The following STIM2 variants were observed in gnomAD, a reference collection of about 807,000 sequenced individuals.
STIM2 encodes stromal interaction molecule 2.
In STIM2, 31 loss-of-function variants were observed where a neutral mutation model predicts 85.8. The observed-to-expected ratio is 0.36, with a 90% CI of 0.27 to 0.49. The LOEUF (loss-of-function observed/expected upper bound fraction) is 0.49. STIM2 is among the 20% of genes least tolerant of loss of function. The pLI is 0.98. For synonymous variants in STIM2, 356 were observed against 331.1 expected (o/e 1.08, Z -0.82); for missense variants, 841 against 927.6 (o/e 0.91, Z 1.21).
intron 2 of STIM2, among the ~76,000 whole-genome samples, chr4:26,932,461 C>G (rs1199549862): frequency 6.6e-6 from 1 of 152,090 alleles, no homozygotes; most frequent in African/African-American, 2.4e-5. Flanking sequence ...AGTACTGACA[C>G]TAAACTTACT....
At chr4:26,956,654 G>A (rs1449363711) in intron 2 of STIM2, among the ~76,000 whole-genome samples, 1 of 151,942 alleles carries the variant, frequency 6.6e-6, no homozygotes, top group Non-Finnish European at 1.5e-5. Flanking sequence ...ATAATCAAAT[G>A]TCTTTGAATT....
intron 1 of STIM2, among the ~76,000 whole-genome samples, chr4:26,878,438 C>G (rs985842195): frequency 6.6e-6 from 1 of 152,062 alleles, no homozygotes; most frequent in African/African-American, 2.4e-5. Context: ...TCTCTGTGTC[C>G]TTGAAGCATA....
At chr4:26,956,955 C>T (rs964118916) in intron 2 of STIM2, among the ~76,000 whole-genome samples, 3 of 152,004 alleles carry the variant, frequency 2.0e-5, no homozygotes, top group Non-Finnish European at 4.4e-5. Context: ...ATAGGACTGT[C>T]GTAAAGGTAA....
intron 1 of STIM2, chr4:26,861,697 T>A: frequency 1.1e-5 from 1 of 94,260 alleles, no homozygotes; most frequent in Non-Finnish European, 2.0e-5. Context: ...CTGGGCTGAT[T>A]TTTTTTTTTT....
chr4:26,934,916 A>C lies in STIM2; in HGVS notation c.282+15282A>C, dbSNP rs1457167386. ...CAATAAGAGCGAAACTCCATCTCAAAAAAAAAAAAAAAAAAAAAAAGAACA... is the reference window on the plus strand; with the variant it reads ...CAATAAGAGCGAAACTCCATCTCAACAAAAAAAAAAAAAAAAAAAAGAACA... On this transcript the variant is annotated intron_variant, in intron 2 of 11. Coordinates refer to ENST00000467087, the MANE Select transcript of STIM2 (RefSeq NM_020860.4). Among the ~76,000 whole-genome samples the C allele has an allele frequency of 1.0e-4, 15 of 149,160 alleles. No individual in the cohort carries two copies. In the East Asian group the frequency reaches 3.0e-3, roughly 30 times the overall value.
intron 8 of STIM2, 89 bp downstream of exon 8, chr4:27,007,789 T>A: frequency 7.5e-7 from 1 of 1,341,380 alleles, no homozygotes; most frequent in Non-Finnish European, 9.9e-7. Flanking sequence ...CAGATCTGAA[T>A]AAAAGTTTTA....
At chr4:26,885,289 G>C (rs1723173964) in intron 1 of STIM2, among the ~76,000 whole-genome samples, 1 of 152,164 alleles carries the variant, frequency 6.6e-6, no homozygotes, top group South Asian at 2.1e-4. Flanking sequence ...TTTTAACAAA[G>C]TGAATACTCA....
intron 2 of STIM2, among the ~76,000 whole-genome samples, chr4:26,944,329 CTA>C (rs1577453760): frequency 6.6e-6 from 1 of 151,982 alleles, no homozygotes; most frequent in Non-Finnish European, 1.5e-5. Flanking sequence ...TTTTTATTCC[CTA>C]TTTCCTTAGC....
At position 26,895,451 on chromosome 4, in the gene STIM2, C is replaced by A. The variant is rs144892401; in HGVS notation, c.152-24053C>A. The stretch of plus-strand genomic sequence containing the variant: ...TAACAAATACCATCATGGATCCATA[C>A]GTTTTGAGTTTTTTTGCATGTTAGG... On this transcript the variant is annotated intron_variant, in intron 1 of 11. Transcript: ENST00000467087. Among the ~76,000 whole-genome samples the A allele has an allele frequency of 2.1e-3, 321 of 152,204 alleles. 1 individual carries two copies. The highest frequency in any genetic ancestry group is 7.1e-3 in the African/African-American group (296 of 41,534).
intron 7 of STIM2, among the ~76,000 whole-genome samples, chr4:27,003,786 C>T (rs1233317367): frequency 6.6e-6 from 1 of 152,098 alleles, no homozygotes; most frequent in African/African-American, 2.4e-5. Flanking sequence ...ACTGTGTTCC[C>T]TCTGCAGGCT....
rs921541585 is a variant in STIM2, at chr4:26,919,697, G to A, written c.282+63G>A. The A allele has an allele frequency of 1.9e-6, 3 of 1,556,328 alleles. No individual in the cohort carries two copies. The East Asian group carries it at 7.1e-5, about 37-fold the overall frequency. On this transcript the variant is annotated intron_variant, in intron 2 of 11. Transcript: ENST00000467087. ...ACAGAATGACTGCATTTCTGTTTCT[G>A]GTCTTCAATTTTCTCTTTCCTCATG...
chr4:26,959,618 T>C (rs1449896583), intron 3 of STIM2, among the ~76,000 whole-genome samples: 1 of 152,188 alleles, frequency 6.6e-6, no homozygotes, highest in Non-Finnish European at 1.5e-5. Flanking sequence ...GTATCCTAAA[T>C]AAAGAGGACT....
In STIM2 at chr4:26,985,675, T is replaced by C. The variant is rs182058828; in HGVS notation, c.398-9704T>C. 6.6e-4 allele frequency among the ~76,000 whole-genome samples: 101 copies of C among 152,338 alleles called. No individual in the cohort carries two copies. In the Middle Eastern group the frequency reaches 0.01, roughly 15 times the overall value. On this transcript the variant is annotated intron_variant, in intron 3 of 11. Coordinates refer to ENST00000467087, the MANE Select transcript of STIM2 (RefSeq NM_020860.4). ...GGCAGTATATGTTTGTAACACATACTGTTTGTAACAGTCTGTACTGTTTTT... is the reference window on the plus strand; with the variant it reads ...GGCAGTATATGTTTGTAACACATACCGTTTGTAACAGTCTGTACTGTTTTT...
chr4:26,871,582 T>C (rs1209979134), intron 1 of STIM2, among the ~76,000 whole-genome samples: 3 of 152,186 alleles, frequency 2.0e-5, no homozygotes, highest in African/African-American at 7.2e-5. Flanking sequence ...GGCTTTTCAG[T>C]AAGTGCGTAA....
intron 2 of STIM2, among the ~76,000 whole-genome samples, chr4:26,946,292 A>G (rs1364270472): frequency 6.6e-6 from 1 of 152,238 alleles, no homozygotes; most frequent in South Asian, 2.1e-4. Context: ...CAGATATATT[A>G]AAAAATTGAC....
At chr4:26,866,015 T>C (rs1445818718) in intron 1 of STIM2, among the ~76,000 whole-genome samples, 1 of 152,106 alleles carries the variant, frequency 6.6e-6, no homozygotes, top group Non-Finnish European at 1.5e-5. Flanking sequence ...CTAACTTTTA[T>C]TTTAGATTCA....
At position 27,025,069 on chromosome 4, in the gene STIM2, G is replaced by A. The variant is rs1729040908; in HGVS notation, c.*2073G>A. The A allele has an allele frequency of 6.6e-6, 1 of 152,172 alleles. No individual in the cohort carries two copies. The highest frequency in any genetic ancestry group is 1.5e-5 in the Non-Finnish European group (1 of 68,054). 9.4% of individuals were successfully genotyped at this position (152,172 alleles called of 1,614,324 possible). ...AGGAGGCTGGCCAAAGAGACTGTGG[G>A]CTGTTTTCAGTCAGGGAGCATGTGC... is the stretch of plus-strand genomic sequence containing the variant. On this transcript the variant is annotated 3_prime_UTR_variant, in exon 12 of 12. Transcript: ENST00000467087.
chr4:27,000,131 A>G (rs1393228538), intron 5 of STIM2, among the ~76,000 whole-genome samples: 1 of 152,156 alleles, frequency 6.6e-6, no homozygotes, highest in Non-Finnish European at 1.5e-5. Flanking sequence ...GTAGGAAACT[A>G]ATGTTTATTC....
intron 3 of STIM2, among the ~76,000 whole-genome samples, chr4:26,973,735 C>G (rs1319859015): frequency 6.6e-6 from 1 of 152,194 alleles, no homozygotes; most frequent in Non-Finnish European, 1.5e-5. Flanking sequence ...CTGGAGAGTT[C>G]TGTAGATGTC....
Sources: gnomAD v4.1 joint callset for allele counts (sites outside exome capture counted in the v4.1 genomes callset) on GRCh38, gnomAD v4.1.1 for gene constraint, MANE v1.5 for transcripts, NCBI Gene and HGNC (gene_info 2026-07-23, HGNC 2026-07-21) for gene names.